The following NBEA variants were observed in gnomAD, a reference collection of about 807,000 sequenced individuals.
NBEA encodes the protein neurobeachin.
A neutral mutation model predicts 343.4 loss-of-function variants in NBEA; 44 were observed. The observed-to-expected ratio is 0.13, with a 90% CI of 0.10 to 0.16. The LOEUF is 0.16. Among genes scored for constraint, NBEA ranks in the 10% least tolerant of loss-of-function variants. The pLI is 1.00. For synonymous variants in NBEA, 1,175 were observed against 1,238.7 expected (o/e 0.95, Z 1.08); for missense variants, 2,555 against 3,631.3 (o/e 0.70, Z 7.62).
At chr13:35,566,279 T>C (rs2080132503) in intron 44 of NBEA, among the ~76,000 whole-genome samples, 1 of 152,146 alleles carries the variant, frequency 6.6e-6, no homozygotes, top group Non-Finnish European at 1.5e-5. Flanking sequence ...GAGAATCGCT[T>C]GAACCCGGGA....
At chr13:35,140,747 G>T (rs969181226) in intron 17 of NBEA, among the ~76,000 whole-genome samples, 1 of 152,096 alleles carries the variant, frequency 6.6e-6, no homozygotes, top group Non-Finnish European at 1.5e-5. Context: ...GACATAAATG[G>T]TTCATTTGAT....
chr13:35,194,357 T>C (rs1371638355), intron 30 of NBEA, among the ~76,000 whole-genome samples: 1 of 152,072 alleles, frequency 6.6e-6, no homozygotes, highest in Admixed American at 6.6e-5. Context: ...GGTAGCCTAT[T>C]TTCCTGTTGG....
At chr13:34,951,758 A>C (rs1475780042) in intron 1 of NBEA, among the ~76,000 whole-genome samples, 1 of 152,218 alleles carries the variant, frequency 6.6e-6, no homozygotes, top group Non-Finnish European at 1.5e-5. Flanking sequence ...CTTCTCTCAC[A>C]GGGCTGACTT....
intron 41 of NBEA, among the ~76,000 whole-genome samples, chr13:35,485,272 A>G (rs143590492): frequency 1.3e-5 from 2 of 152,234 alleles, no homozygotes; most frequent in African/African-American, 2.4e-5. Flanking sequence ...TTTAAAATAT[A>G]TCTGAGAACT....
At chr13:34,999,976 C>T (rs2061071435) in intron 1 of NBEA, among the ~76,000 whole-genome samples, 1 of 152,152 alleles carries the variant, frequency 6.6e-6, no homozygotes, top group African/African-American at 2.4e-5. Flanking sequence ...ATCTATCTTC[C>T]TTCTGTCTGT....
intron 38 of NBEA, among the ~76,000 whole-genome samples, chr13:35,389,768 T>C (rs1194302768): frequency 6.6e-6 from 1 of 152,138 alleles, no homozygotes; most frequent in South Asian, 2.1e-4. Flanking sequence ...AGGAATATAA[T>C]GGCAGTTTAT....
chr13:35,038,518 G>A (rs1050921065), intron 1 of NBEA, among the ~76,000 whole-genome samples: 7 of 152,066 alleles, frequency 4.6e-5, no homozygotes, highest in Non-Finnish European at 7.4e-5. Context: ...AAGGCCCTCA[G>A]CGTAGTACCT....
chr13:35,141,965 A>G (rs929165186), intron 17 of NBEA, among the ~76,000 whole-genome samples: 1 of 152,158 alleles, frequency 6.6e-6, no homozygotes, highest in Non-Finnish European at 1.5e-5. Flanking sequence ...CAATAAAATA[A>G]CTTCAAAATA....
At chr13:35,364,915 C>G (rs2860128) in intron 38 of NBEA, among the ~76,000 whole-genome samples, 1 of 151,482 alleles carries the variant, frequency 6.6e-6, no homozygotes, top group South Asian at 2.1e-4. Context: ...GTTGAAAATA[C>G]ATTACGGAAT....
chr13:35,240,633 G>A (rs896957020), intron 34 of NBEA, among the ~76,000 whole-genome samples: 3 of 151,708 alleles, frequency 2.0e-5, no homozygotes, highest in African/African-American at 7.3e-5. Context: ...GATATAGGAA[G>A]AACCTGTAGC....
intron 34 of NBEA, among the ~76,000 whole-genome samples, chr13:35,266,312 A>G (rs958458571): frequency 2.0e-5 from 3 of 151,890 alleles, no homozygotes; most frequent in Non-Finnish European, 4.4e-5. Flanking sequence ...GAACTACCAT[A>G]TGATCTAGCA....
chr13:34,959,846 A>C lies in NBEA; in HGVS notation c.294+16732A>C, dbSNP rs149760501. 4.6e-5 allele frequency among the ~76,000 whole-genome samples: 7 copies of C among 152,274 alleles called. No homozygotes were observed. The East Asian group carries it at 1.4e-3, about 29-fold the overall frequency. ...TCATTCACTGTGGTGATGGTGGTGTAAACAAACCTATTGCACTGCTAGTTG... is the reference window on the plus strand; with the variant it reads ...TCATTCACTGTGGTGATGGTGGTGTCAACAAACCTATTGCACTGCTAGTTG... On this transcript the variant is annotated intron_variant, in intron 1 of 58. Transcript: ENST00000379939.
intron 58 of NBEA, among the ~76,000 whole-genome samples, chr13:35,669,005 AC>A (rs2085484323): frequency 6.6e-6 from 1 of 151,768 alleles, no homozygotes; most frequent in African/African-American, 2.4e-5. Flanking sequence ...CAATTTTTTT[AC>A]CCCCATGTTC....
At chr13:34,981,709 G>T (rs2152507262) in intron 1 of NBEA, among the ~76,000 whole-genome samples, 1 of 151,334 alleles carries the variant, frequency 6.6e-6, no homozygotes, top group South Asian at 2.1e-4. Context: ...TAAAACATTG[G>T]CCTGCACTTT....
At chr13:35,576,822 C>A (rs9574151) in intron 45 of NBEA, among the ~76,000 whole-genome samples, 19,877 of 152,106 alleles carry the variant, frequency 0.13, 1,444 homozygotes, top group East Asian at 0.28. Flanking sequence ...TTTTCCAATA[C>A]TGAGTATTAT....
intron 16 of NBEA, among the ~76,000 whole-genome samples, chr13:35,119,864 C>A (rs1413518540): frequency 6.6e-6 from 1 of 152,216 alleles, no homozygotes; most frequent in Non-Finnish European, 1.5e-5. Context: ...GCTGGGATTA[C>A]AGGCGTAAGC....
chr13:35,362,006 A>G (rs2040834383), intron 38 of NBEA, among the ~76,000 whole-genome samples: 1 of 151,938 alleles, frequency 6.6e-6, no homozygotes, highest in Admixed American at 6.6e-5. Flanking sequence ...CAAGATTTAT[A>G]CAATTGTAAG....
chr13:35,173,487 T>C lies in NBEA; in HGVS notation c.4447T>C (p.Cys1483Arg), dbSNP rs1196479931. Residue 1483 changes from cysteine to arginine, a missense_variant, in exon 27 of 59, where the codon TGT becomes CGT. Coordinates refer to ENST00000379939, the MANE Select transcript of NBEA (RefSeq NM_001385012.1). ...AGTTTGTTGTGTTGCTGTGAGAAAC[T>C]GTTTAGAATGTCGGCAAAGACAGAG... Reference protein sequence around the residue: ...RLVCCVAVRNCLECRQRQRDR... With the variant: ...RLVCCVAVRNRLECRQRQRDR... The C allele has an allele frequency of 6.2e-7, 1 of 1,609,120 alleles. No homozygotes were observed. Among genetic ancestry groups the C allele is most frequent in the South Asian group, 1.1e-5 (1 of 90,326 alleles).
chr13:35,411,036 A>G (rs1020848973), intron 38 of NBEA, among the ~76,000 whole-genome samples: 4 of 152,180 alleles, frequency 2.6e-5, no homozygotes, highest in African/African-American at 9.6e-5. Context: ...AACTGTTACC[A>G]TGACCTTTGC....
Sources: gnomAD v4.1 joint callset for allele counts (sites outside exome capture counted in the v4.1 genomes callset) on GRCh38, gnomAD v4.1.1 for gene constraint, MANE v1.5 for transcripts, NCBI Gene and HGNC (gene_info 2026-07-23, HGNC 2026-07-21) for gene names.